NRG3: variants seen among roughly 807,000 people sequenced by gnomAD.
NRG3 encodes pro-neuregulin-3, membrane-bound isoform.
In NRG3, 31 loss-of-function variants were observed where a neutral mutation model predicts 66.9. The ratio of observed to expected loss-of-function variants is 0.46; its 90% CI spans 0.35 to 0.63. The LOEUF (loss-of-function observed/expected upper bound fraction) is 0.63. Ranked by LOEUF, NRG3 falls within the 20% of genes least tolerant of loss-of-function variation. The pLI is 0.00. For missense variants in NRG3, 910 were observed against 878.9 expected (o/e 1.04, Z -0.45); for synonymous variants, 393 against 359.4 (o/e 1.09, Z -1.06).
chr10:82,655,454 G>A lies in NRG3; in HGVS notation c.954-83123G>A, dbSNP rs1465165765. Among the ~76,000 whole-genome samples, 11 of 151,982 alleles carry A rather than the reference G, an allele frequency of 7.2e-5. No individual in the cohort carries two copies. The East Asian group carries it at 2.1e-3, about 29-fold the overall frequency. On this transcript the variant is annotated intron_variant, in intron 2 of 8. Coordinates refer to ENST00000372141, the MANE Select transcript of NRG3 (RefSeq NM_001010848.4). ...GAAAAATGCACACTTCTTTTTTTCGGGTGTGGAACATTAACATAATTAGAC... is the reference window on the plus strand; with the variant it reads ...GAAAAATGCACACTTCTTTTTTTCGAGTGTGGAACATTAACATAATTAGAC...
At chr10:82,402,530 C>T (rs1197048454) in intron 2 of NRG3, among the ~76,000 whole-genome samples, 7 of 152,256 alleles carry the variant, frequency 4.6e-5, no homozygotes, top group East Asian at 1.9e-4. Context: ...CCAGATGGTA[C>T]GACTTTAGAA....
At chr10:82,611,106 C>A (rs1404210604) in intron 2 of NRG3, among the ~76,000 whole-genome samples, 2 of 151,796 alleles carry the variant, frequency 1.3e-5, no homozygotes, top group African/African-American at 4.8e-5. Context: ...TCTGTCATCT[C>A]CATAATAAAT....
chr10:82,495,683 G>A (rs985127352), intron 2 of NRG3, among the ~76,000 whole-genome samples: 6 of 152,102 alleles, frequency 3.9e-5, no homozygotes. Context: ...CAGTTAAAAG[G>A]TCTTAGCAGA....
At chr10:81,974,681 A>G (rs2060052856) in intron 1 of NRG3, among the ~76,000 whole-genome samples, 2 of 152,110 alleles carry the variant, frequency 1.3e-5, no homozygotes, top group Admixed American at 6.6e-5. Flanking sequence ...TGTCATTAGC[A>G]TAATCTGAGA....
chr10:82,519,427 A>G (rs1018747289), intron 2 of NRG3, among the ~76,000 whole-genome samples: 1 of 152,180 alleles, frequency 6.6e-6, no homozygotes, highest in Non-Finnish European at 1.5e-5. Flanking sequence ...AAATTTAGCA[A>G]TGTAGGCGTT....
chr10:82,714,532 C>T (rs1017047609), intron 2 of NRG3, among the ~76,000 whole-genome samples: 1 of 152,116 alleles, frequency 6.6e-6, no homozygotes. Context: ...AAATATTTAT[C>T]TTCTATAAAC....
intron 1 of NRG3, among the ~76,000 whole-genome samples, chr10:82,103,282 T>G (rs2066871137): frequency 6.6e-6 from 1 of 152,186 alleles, no homozygotes; most frequent in African/African-American, 2.4e-5. Context: ...AGGTTTCTAT[T>G]CTTTGTATAG....
intron 3 of NRG3, among the ~76,000 whole-genome samples, chr10:82,864,247 A>G (rs2064301461): frequency 6.6e-6 from 1 of 152,166 alleles, no homozygotes; most frequent in Admixed American, 6.6e-5. Flanking sequence ...TTTTGCACCA[A>G]CTTAATAATT....
intron 2 of NRG3, among the ~76,000 whole-genome samples, chr10:82,430,757 A>G (rs2089750688): frequency 6.6e-6 from 1 of 151,818 alleles, no homozygotes; most frequent in Admixed American, 6.6e-5. Flanking sequence ...ATTTACTGGG[A>G]TGGTTTGGTG....
In NRG3 at chr10:82,792,439, C is replaced by T. The variant is rs572985328; in HGVS notation, c.1027+53789C>T. ...TCACCAGTTTTATCTTCAATTATTA[C>T]GTCTTTGTTATTCCTTCTGTTCAAG... On this transcript the variant is annotated intron_variant, in intron 3 of 8. Transcript: ENST00000372141. Among the ~76,000 whole-genome samples, 21 of 152,112 alleles carry T rather than the reference C, an allele frequency of 1.4e-4. No homozygotes were observed. The South Asian group carries it at 1.9e-3, about 14-fold the overall frequency.
chr10:82,344,126 A>T (rs1159503072), intron 1 of NRG3, among the ~76,000 whole-genome samples: 2 of 149,910 alleles, frequency 1.3e-5, no homozygotes, highest in South Asian at 2.1e-4. Flanking sequence ...GGTTAGTTAC[A>T]TACGTATACA....
chr10:82,053,154 G>T (rs1168377249), intron 1 of NRG3, among the ~76,000 whole-genome samples: 1 of 150,550 alleles, frequency 6.6e-6, no homozygotes. Context: ...TAACATTTCA[G>T]TGTTCCAAAA....
intron 2 of NRG3, among the ~76,000 whole-genome samples, chr10:82,417,151 ACAT>A (rs1353696819): frequency 2.0e-5 from 3 of 152,196 alleles, no homozygotes; most frequent in Non-Finnish European, 4.4e-5. Flanking sequence ...ACACTAAATC[ACAT>A]CATAATCATT....
chr10:82,408,582 A>G (rs1226813976), intron 2 of NRG3, among the ~76,000 whole-genome samples: 2 of 150,652 alleles, frequency 1.3e-5, no homozygotes, highest in Non-Finnish European at 3.0e-5. Flanking sequence ...TTTCAAGAAC[A>G]TGTTGACTTT....
rs762378349 is a variant in NRG3 at position 81,875,840 on chromosome 10, G to T, written c.500G>T (p.Arg167Leu). The change falls in exon 1 of 9, where the codon CGC becomes CTC. Residue 167 changes from arginine to leucine, a missense_variant. Coordinates refer to ENST00000372141, the MANE Select transcript of NRG3 (RefSeq NM_001010848.4). This position sits in a 1 kb window ranked among gnomAD's most constrained non-coding sequence, Gnocchi z 5.3. ...RLTTITRAPT[R>L]FPGHRVPIRA... ...ACCACCATCACGCGGGCGCCCACTC[G>T]CTTCCCCGGGCACCGGGTGCCCATC... The T allele has an allele frequency of 1.9e-6, 3 of 1,608,906 alleles. No homozygotes were observed. The highest frequency in any genetic ancestry group is 1.7e-6 in the Non-Finnish European group (2 of 1,179,652).
chr10:82,102,922 A>G (rs987893050), intron 1 of NRG3, among the ~76,000 whole-genome samples: 1 of 152,200 alleles, frequency 6.6e-6, no homozygotes, highest in African/African-American at 2.4e-5. Flanking sequence ...TTCGATATTT[A>G]CCATTCTGTT....
intron 2 of NRG3, among the ~76,000 whole-genome samples, chr10:82,483,599 C>T (rs1309153675): frequency 6.6e-6 from 1 of 152,138 alleles, no homozygotes; most frequent in African/African-American, 2.4e-5. Context: ...TGCAATGTAG[C>T]TTTTCACATT....
At chr10:82,668,469 T>G (rs2052981328) in intron 2 of NRG3, among the ~76,000 whole-genome samples, 1 of 152,216 alleles carries the variant, frequency 6.6e-6, no homozygotes, top group Admixed American at 6.5e-5. Flanking sequence ...CATATTCCCC[T>G]ATGAGTCATG....
At chr10:82,577,460 A>G (rs2133178892) in intron 2 of NRG3, among the ~76,000 whole-genome samples, 1 of 151,970 alleles carries the variant, frequency 6.6e-6, no homozygotes, top group South Asian at 2.1e-4. Context: ...ACAGTCATAT[A>G]TATCTAGCAG....
Sources: gnomAD v4.1 joint callset for allele counts (sites outside exome capture counted in the v4.1 genomes callset) on GRCh38, gnomAD v4.1.1 for gene constraint, Gnocchi (gnomAD v3.1) non-coding constraint, MANE v1.5 for transcripts, NCBI Gene and HGNC (gene_info 2026-07-23, HGNC 2026-07-21) for gene names.